Variants in TYW1B observed in about 807,000 individuals in gnomAD.
The protein encoded by TYW1B is S-adenosyl-L-methionine-dependent tRNA 4-demethylwyosine synthase TYW1B.
Under a neutral mutation model 86.9 loss-of-function variants are expected in TYW1B, and 73 were observed. The ratio of observed to expected loss-of-function variants is 0.84; its 90% confidence interval spans 0.70 to 1.02. The LOEUF (loss-of-function observed/expected upper bound fraction) is 1.02. TYW1B is among the 50% of genes least tolerant of loss of function. The pLI, the probability that TYW1B is intolerant of heterozygous loss-of-function variation, is 0.00. For synonymous variants in TYW1B, 248 were observed against 292.8 expected (o/e 0.85, Z 1.56); for missense variants, 637 against 827.4 (o/e 0.77, Z 2.82).
chr7:72,584,478 G>A (rs1554430175), intron 13 of TYW1B, among the ~76,000 whole-genome samples: 2 of 146,430 alleles, frequency 1.4e-5, no homozygotes, highest in South Asian at 2.2e-4. Flanking sequence ...TTTTTTTTGA[G>A]ATGGAGTCTC....
chr7:72,818,262 G>T (rs1161239756), intron 2 of TYW1B, among the ~76,000 whole-genome samples: 7 of 151,692 alleles, frequency 4.6e-5, no homozygotes, highest in Non-Finnish European at 5.9e-5. Flanking sequence ...ATAAATCACA[G>T]TATTAGTCCA....
At chr7:72,707,235 A>T (rs1417858273) in intron 10 of TYW1B, among the ~76,000 whole-genome samples, 2 of 152,252 alleles carry the variant, frequency 1.3e-5, no homozygotes, top group Non-Finnish European at 2.9e-5. Flanking sequence ...ATGCTCGCGC[A>T]TTGGGGCTTG....
intron 13 of TYW1B, among the ~76,000 whole-genome samples, chr7:72,601,028 G>A (rs1209831053): frequency 1.3e-5 from 2 of 151,812 alleles, no homozygotes; most frequent in Non-Finnish European, 2.9e-5. Context: ...GTGGTGGCAG[G>A]CACCTGTAAT....
At chr7:72,608,313 CT>C (rs1328990383) in intron 13 of TYW1B, among the ~76,000 whole-genome samples, 2 of 152,144 alleles carry the variant, frequency 1.3e-5, no homozygotes, top group Non-Finnish European at 2.9e-5. Context: ...TCTAAGTTAC[CT>C]TTGATAGTTG....
intron 11 of TYW1B, among the ~76,000 whole-genome samples, chr7:72,645,956 TA>T (rs1554442010): frequency 6.7e-6 from 1 of 148,312 alleles, no homozygotes; most frequent in Non-Finnish European, 1.5e-5. Context: ...ATGTATTATA[TA>T]TAATTATATA....
chr7:72,805,057 A>G (rs1188877358), intron 5 of TYW1B, among the ~76,000 whole-genome samples: 1 of 151,936 alleles, frequency 6.6e-6, no homozygotes, highest in Non-Finnish European at 1.5e-5. Flanking sequence ...TATCTTGAAC[A>G]CTGCATATAC....
At chr7:72,765,736 G>T (rs1398569770) in intron 7 of TYW1B, among the ~76,000 whole-genome samples, 2 of 152,114 alleles carry the variant, frequency 1.3e-5, no homozygotes, top group African/African-American at 4.8e-5. Flanking sequence ...AAAGTGCTGG[G>T]ATTTCAGGTG....
chr7:72,643,036 A>T (rs112132536), intron 11 of TYW1B, among the ~76,000 whole-genome samples: 5,963 of 152,340 alleles, frequency 0.039, 149 homozygotes, highest in Non-Finnish European at 0.058. Context: ...TTTGTAAATA[A>T]ACTAAAAGCC....
chr7:72,615,424 C>T (rs1279016906), intron 13 of TYW1B, among the ~76,000 whole-genome samples: 96 of 136,990 alleles, frequency 7.0e-4, no homozygotes, highest in Non-Finnish European at 1.3e-3. Flanking sequence ...AGATTCCATA[C>T]GGAAAAAGTG....
intron 8 of TYW1B, among the ~76,000 whole-genome samples, chr7:72,736,733 C>G (rs1233464428): frequency 6.6e-6 from 1 of 152,154 alleles, no homozygotes; most frequent in African/African-American, 2.4e-5. Context: ...ATAGATGCAG[C>G]CTGTTGTGAT....
At chr7:72,685,019 G>A (rs1421557056) in intron 11 of TYW1B, among the ~76,000 whole-genome samples, 1 of 151,830 alleles carries the variant, frequency 6.6e-6, no homozygotes, top group African/African-American at 2.4e-5. Flanking sequence ...GGCTGAGATA[G>A]GCAAATTGCT....
chr7:72,665,703 C>G (rs1222332349), intron 11 of TYW1B, among the ~76,000 whole-genome samples: 1 of 152,138 alleles, frequency 6.6e-6, no homozygotes, highest in East Asian at 1.9e-4. Flanking sequence ...TGGCAGTAGC[C>G]TATGTTATAT....
intron 3 of TYW1B, among the ~76,000 whole-genome samples, chr7:72,812,248 A>G (rs530375526): frequency 5.9e-5 from 9 of 152,228 alleles, no homozygotes; most frequent in South Asian, 4.1e-4. Flanking sequence ...TAGCCTGTAG[A>G]TAACTTTATA....
intron 11 of TYW1B, among the ~76,000 whole-genome samples, chr7:72,654,328 G>T (rs1428195377): frequency 6.6e-6 from 1 of 152,008 alleles, no homozygotes; most frequent in Non-Finnish European, 1.5e-5. Flanking sequence ...AAACACATAA[G>T]CACAATTTAA....
At chr7:72,582,246 G>A (rs1811173273) in intron 13 of TYW1B, among the ~76,000 whole-genome samples, 1 of 152,058 alleles carries the variant, frequency 6.6e-6, no homozygotes, top group African/African-American at 2.4e-5. Flanking sequence ...CACATTAAAG[G>A]TGTCTACAAT....
At chr7:72,687,411 G>A (rs182377788) in intron 11 of TYW1B, among the ~76,000 whole-genome samples, 4 of 152,264 alleles carry the variant, frequency 2.6e-5, no homozygotes, top group Admixed American at 2.6e-4. Flanking sequence ...TCCAGCCTGG[G>A]CAACAAGAGT....
At chr7:72,596,662 TA>T (rs1811539382) in intron 13 of TYW1B, among the ~76,000 whole-genome samples, 1 of 152,026 alleles carries the variant, frequency 6.6e-6, no homozygotes, top group Non-Finnish European at 1.5e-5. Context: ...ACATAAGACT[TA>T]AAATTATAAG....
At chr7:72,685,719 C>T (rs1554449262) in intron 11 of TYW1B, among the ~76,000 whole-genome samples, 1 of 152,068 alleles carries the variant, frequency 6.6e-6, no homozygotes, top group African/African-American at 2.4e-5. Context: ...GACGATAACA[C>T]AGGAGAAAGT....
intron 11 of TYW1B, among the ~76,000 whole-genome samples, chr7:72,672,675 C>G (rs1813638503): frequency 6.6e-6 from 1 of 152,142 alleles, no homozygotes; most frequent in Non-Finnish European, 1.5e-5. Context: ...GCAGGGTGAA[C>G]TGCAGGACAG....
Sources: gnomAD v4.1 joint callset for allele counts (sites outside exome capture counted in the v4.1 genomes callset) on GRCh38, gnomAD v4.1.1 for gene constraint, MANE v1.5 for transcripts, NCBI Gene and HGNC (gene_info 2026-07-23, HGNC 2026-07-21) for gene names.